Variants in FANCD2 observed in about 807,000 individuals in gnomAD.
The protein encoded by FANCD2 is FA complementation group D2, also known as Fanconi anemia group D2 protein.
FANCD2 carries 131 observed loss-of-function variants against 192.3 expected under a neutral mutation model. The ratio of observed to expected loss-of-function variants is 0.68; its 90% confidence interval spans 0.59 to 0.79. The LOEUF is 0.79. FANCD2 is among the 30% of genes least tolerant of loss of function. The pLI is 0.00. For missense variants in FANCD2, 1,508 were observed against 1,701.6 expected, an observed-to-expected ratio of 0.89 and a Z score of 2.00; for synonymous variants, 524 against 612.5, an observed-to-expected ratio of 0.86 and a Z score of 2.13.
chr3:10,064,661 C>G (rs28455664), intron 22 of FANCD2, 68 bp from the exon 23 acceptor site: 8 of 1,465,128 alleles, frequency 5.5e-6, no homozygotes, highest in Non-Finnish European at 7.5e-6. Context: ...TTGGTTTGCT[C>G]TAGTGGTTTT....
At position 10,087,141 on chromosome 3, in the gene FANCD2, G is replaced by A. The variant is rs200800132; in HGVS notation, c.3343G>A (p.Val1115Ile). ...TTTCTTGTCTCCTTACAGCCAGAGC[G>A]TCCATTACTTGCAGAATTTCCATCA... Reference protein sequence around the residue: ...QPLEELLSQSVHYLQNFHQSI... With the variant: ...QPLEELLSQSIHYLQNFHQSI... The change falls in exon 34 of 44, where the codon GTC becomes ATC. Residue 1115 changes from valine to isoleucine, a missense_variant. By Grantham distance (29) the Val-to-Ile change is conservative. Around this residue, in one of 5 missense-constraint regions of FANCD2, gnomAD observed 796 missense variants for 879.4 expected, o/e 0.91. Coordinates refer to ENST00000675286, the MANE Select transcript of FANCD2 (RefSeq NM_001018115.3). 56 of 1,614,020 alleles carry A rather than the reference G, an allele frequency of 3.5e-5. 1 individual carries two copies. The highest frequency in any genetic ancestry group is 3.3e-4 in the Middle Eastern group (2 of 6,062).
At chr3:10,096,916 G>T (rs1695000741) in intron 42 of FANCD2, among the ~76,000 whole-genome samples, 1 of 152,106 alleles carries the variant, frequency 6.6e-6, no homozygotes, top group South Asian at 2.1e-4. Flanking sequence ...TAATCACGTA[G>T]GTTCTTTTCT....
At chr3:10,029,420 G>C (rs562247333) in intron 2 of FANCD2, among the ~76,000 whole-genome samples, 4 of 152,230 alleles carry the variant, frequency 2.6e-5, no homozygotes, top group Admixed American at 2.0e-4. Flanking sequence ...AGGATCACTT[G>C]AGCTCAGGAG....
Position 10,096,314 on chromosome 3 carries a change from A to G in FANCD2, c.4039-12A>G, listed in dbSNP as rs770697903. 4.2e-5 allele frequency: 67 copies of G among 1,613,692 alleles called. 1 individual carries two copies. The South Asian group carries it at 7.4e-4, about 18-fold the overall frequency. ...AACTCACAAAAGATGGATGTTATTT[A>G]TTTCCATTCAGATTCACCAGGACAC... On this transcript the variant is annotated splice_polypyrimidine_tract_variant and intron_variant, in intron 41 of 43. Coordinates refer to ENST00000675286, the MANE Select transcript of FANCD2 (RefSeq NM_001018115.3).
chr3:10,034,588 T>G (rs1439542017), intron 4 of FANCD2, 52 bp downstream of exon 4: 1 of 1,547,486 alleles, frequency 6.5e-7, no homozygotes, highest in East Asian at 2.2e-5. Context: ...ACTCTAGAAT[T>G]TGGAATTTAA....
At chr3:10,039,920 G>A (rs2124985664) in intron 9 of FANCD2, 75 bp downstream of exon 9, 1 of 1,554,134 alleles carries the variant, frequency 6.4e-7, no homozygotes, top group Non-Finnish European at 8.9e-7. Context: ...GCAAAGAGCA[G>A]TAGTAATATG....
chr3:10,074,391 G>T, intron 28 of FANCD2, 139 bp from the exon 29 acceptor site: 1 of 746,334 alleles, frequency 1.3e-6, no homozygotes, highest in Non-Finnish European at 2.1e-6. Flanking sequence ...AGGGACTTGG[G>T]CTAGAGGAAG....
intron 19 of FANCD2, among the ~76,000 whole-genome samples, chr3:10,061,798 C>T (rs909557502): frequency 6.6e-6 from 1 of 152,082 alleles, no homozygotes; most frequent in East Asian, 1.9e-4. Flanking sequence ...TTACCCTACC[C>T]TAGGGAAGTC....
rs1300430457 is a variant in FANCD2 at position 10,043,265 on chromosome 3, A to C, written c.989+115A>C. On this transcript the variant is annotated intron_variant, in intron 12 of 43. Coordinates refer to ENST00000675286, the MANE Select transcript of FANCD2 (RefSeq NM_001018115.3). ...TATTATGACATTTACATCTAGTATT[A>C]TATTGTTTTTCAAATTACATATATG... 5 of 862,282 alleles carry C rather than the reference A, an allele frequency of 5.8e-6. No individual in the cohort carries two copies. The African/African-American group carries it at 8.5e-5, about 15-fold the overall frequency. 53.4% of individuals were successfully genotyped at this position (862,282 alleles called of 1,614,324 possible). A position where few individuals can be genotyped will look rare whatever the true frequency, so the allele number is the denominator to read the frequency against.
chr3:10,027,250 G>A (rs968350630), intron 1 of FANCD2, among the ~76,000 whole-genome samples: 4 of 152,152 alleles, frequency 2.6e-5, no homozygotes, highest in Admixed American at 2.0e-4. Context: ...TGAGGTAAGG[G>A]CCCCTAGGTA....
At chr3:10,098,681 C>A (rs768793095) in intron 42 of FANCD2, 39 bp from the exon 43 acceptor site, 1 of 1,611,052 alleles carries the variant, frequency 6.2e-7, no homozygotes, top group South Asian at 1.1e-5. Context: ...TAAATGTGAT[C>A]ATTATAACCC....
At chr3:10,050,837 A>G (rs2087179033) in intron 17 of FANCD2, among the ~76,000 whole-genome samples, 1 of 152,170 alleles carries the variant, frequency 6.6e-6, no homozygotes, top group Non-Finnish European at 1.5e-5. Context: ...TTGTAATACC[A>G]GCACTTTGGG....
intron 18 of FANCD2, among the ~76,000 whole-genome samples, chr3:10,057,428 A>C (rs1575779403): frequency 6.7e-6 from 1 of 150,302 alleles, no homozygotes; most frequent in Admixed American, 6.6e-5. Flanking sequence ...GCAGTGGCAC[A>C]ATCTCAGCTC....
rs113771705 is a variant in FANCD2 at position 10,034,299 on chromosome 3, T to C, written c.206-170T>C. ...GAGATCACGCCACTGCACTCCAGCC[T>C]AGGCAACAGAACAAAACTCCATCTC... On this transcript the variant is annotated intron_variant, in intron 3 of 43. Coordinates refer to ENST00000675286, the MANE Select transcript of FANCD2 (RefSeq NM_001018115.3). Among the ~76,000 whole-genome samples, 27,201 of 130,496 alleles carry C rather than the reference T, an allele frequency of 0.21. 3,042 individuals carry two copies. Among genetic ancestry groups the C allele is most frequent in the African/African-American group, 0.34 (11,665 of 34,328 alleles). 85.6% of individuals were successfully genotyped at this position (130,496 alleles called of 152,430 possible). A position where few individuals can be genotyped will look rare whatever the true frequency, so the allele number is the denominator to read the frequency against.
Position 10,028,857 on chromosome 3 carries a change from T to G in FANCD2, c.64+136T>G. The G allele has an allele frequency of 3.6e-6, 3 of 841,194 alleles. No homozygotes were observed. The South Asian group carries it at 4.3e-5, about 12-fold the overall frequency. 52.1% of individuals were successfully genotyped at this position (841,194 alleles called of 1,614,324 possible). ...GGAGTGCACAGAATTAAGGGAGAAA[T>G]ATCAGATTTGGGACTGAGTTTTTGC... is the stretch of plus-strand genomic sequence containing the variant. On this transcript the variant is annotated intron_variant, in intron 2 of 43. Transcript: ENST00000675286.
chr3:10,040,595 T>G, intron 9 of FANCD2: 1 of 456,178 alleles, frequency 2.2e-6, no homozygotes. Flanking sequence ...CATTGCTTAC[T>G]GTCATTCATT....
intron 14 of FANCD2, among the ~76,000 whole-genome samples, chr3:10,044,488 C>T (rs375435111): frequency 1.4e-4 from 21 of 151,854 alleles, no homozygotes; most frequent in Admixed American, 2.6e-4. Context: ...GCCAATGTAG[C>T]GAAACCCCGT....
At chr3:10,034,007 CTT>C (rs1446369361) in intron 3 of FANCD2, among the ~76,000 whole-genome samples, 1 of 148,854 alleles carries the variant, frequency 6.7e-6, no homozygotes, top group African/African-American at 2.5e-5. Flanking sequence ...AAAGCTAAGT[CTT>C]TTATGTGGGT....
intron 3 of FANCD2, among the ~76,000 whole-genome samples, chr3:10,033,598 T>TA (rs2086654137): frequency 6.6e-6 from 1 of 151,796 alleles, no homozygotes; most frequent in Non-Finnish European, 1.5e-5. Flanking sequence ...TATAAAGCCA[T>TA]ATAAGATTCT....
Sources: allele counts gnomAD v4.1 joint callset (sites outside exome capture counted in the v4.1 genomes callset), GRCh38; gene constraint gnomAD v4.1.1; regional missense constraint gnomAD v4.1.1; transcripts MANE v1.5; gene names NCBI Gene and HGNC (gene_info 2026-07-23, HGNC 2026-07-21).